Variants in HACD4 observed in about 807,000 individuals in gnomAD.
The protein encoded by HACD4 is very-long-chain (3R)-3-hydroxyacyl-CoA dehydratase 4.
Under a neutral mutation model 33.3 loss-of-function variants are expected in HACD4, and 35 were observed. The observed-to-expected ratio is 1.05, with a 90% CI of 0.80 to 1.39. The LOEUF (loss-of-function observed/expected upper bound fraction) is 1.39. Ranked by LOEUF, HACD4 falls within the 40% of genes most tolerant of loss-of-function variation. The pLI is 0.00. For missense variants in HACD4, 323 were observed against 276.5 expected (o/e 1.17, Z -1.19); for synonymous variants, 118 against 98.0 (o/e 1.20, Z -1.21).
intron 5 of HACD4, among the ~76,000 whole-genome samples, chr9:21,008,885 G>C (rs1312563894): frequency 6.6e-6 from 1 of 152,032 alleles, no homozygotes; most frequent in Non-Finnish European, 1.5e-5. Flanking sequence ...TTTCTTATGG[G>C]TCAAAATTAT....
chr9:21,026,569 C>T, intron 3 of HACD4, 27 bp downstream of exon 3: 1 of 1,574,286 alleles, frequency 6.4e-7, no homozygotes, highest in Non-Finnish European at 8.6e-7. Flanking sequence ...GAAACAGATT[C>T]TATAATAATA....
rs1842157675 is a variant in HACD4, at chr9:21,000,878, C to T, written c.*6159G>A. On this transcript the variant is annotated 3_prime_UTR_variant, in exon 7 of 7. Coordinates refer to ENST00000495827, the MANE Select transcript of HACD4 (RefSeq NM_001010915.5). ...AATATTTTGGACATTGAGATTGTAT[C>T]TATTTGTACTTCTGAAATAAATACA... The T allele has an allele frequency of 2.0e-5, 3 of 151,930 alleles. No individual in the cohort carries two copies. The allele number at this position is 151,930 out of a possible 1,614,324, so 9.4% of individuals were successfully genotyped here. A position where few individuals can be genotyped will look rare whatever the true frequency, so the allele number is the denominator to read the frequency against.
At chr9:21,020,844 T>A (rs1817890619) in intron 3 of HACD4, among the ~76,000 whole-genome samples, 1 of 152,318 alleles carries the variant, frequency 6.6e-6, no homozygotes, top group East Asian at 1.9e-4. Flanking sequence ...TATAAAAAAA[T>A]AAAATATATG....
chr9:21,014,768 C>G (rs1040304395), intron 4 of HACD4, among the ~76,000 whole-genome samples: 1 of 152,176 alleles, frequency 6.6e-6, no homozygotes, highest in African/African-American at 2.4e-5. Flanking sequence ...TGCCCAACAT[C>G]ACTTAGCAAG....
intron 5 of HACD4, among the ~76,000 whole-genome samples, chr9:21,008,909 G>A (rs1842341099): frequency 6.6e-6 from 1 of 151,962 alleles, no homozygotes; most frequent in Non-Finnish European, 1.5e-5. Flanking sequence ...TACATAAAAA[G>A]TTTTTAAAAA....
intron 5 of HACD4, among the ~76,000 whole-genome samples, chr9:21,010,470 C>CCA (rs1564270580): frequency 8.1e-6 from 1 of 123,644 alleles, no homozygotes; most frequent in African/African-American, 3.1e-5. Flanking sequence ...CCCCCCCCCC[C>CCA]AGAGCTTACA....
chr9:21,030,358 C>G (rs1194126151), intron 1 of HACD4, among the ~76,000 whole-genome samples: 1 of 151,598 alleles, frequency 6.6e-6, no homozygotes, highest in Non-Finnish European at 1.5e-5. Context: ...AGGACAATCA[C>G]TTGAACCTGG....
At chr9:21,016,756 G>C (rs1351255949) in intron 3 of HACD4, among the ~76,000 whole-genome samples, 1 of 151,074 alleles carries the variant, frequency 6.6e-6, no homozygotes, top group Non-Finnish European at 1.5e-5. Flanking sequence ...AGAAATTTCA[G>C]TTCCATCCAA....
In HACD4 at chr9:21,008,068, A is replaced by G. The variant is rs1251569161; in HGVS notation, c.569T>C (p.Ile190Thr). ...YSTKLPFDLS[I>T]YFPYVLKIYL... ...TATTTTCAGCACATATGGGAAATAG[A>G]TGGATAAGTCAAAGGGCAGCTTGGT... Residue 190 changes from isoleucine to threonine, a missense_variant, in exon 6 of 7, where the codon ATC (isoleucine) becomes ACC (threonine). By Grantham distance (89) the Ile-to-Thr change is moderately conservative (BLOSUM62 -1). Transcript: ENST00000495827. 6.2e-7 allele frequency: 1 copy of G among 1,611,960 alleles called. No homozygotes were observed. The highest frequency in any genetic ancestry group is 8.5e-7 in the Non-Finnish European group (1 of 1,178,884).
chr9:21,014,483 C>G (rs1857648), intron 4 of HACD4, among the ~76,000 whole-genome samples: 66,605 of 151,946 alleles, frequency 0.44, 14,889 homozygotes, highest in South Asian at 0.51. Flanking sequence ...TATTGGATGA[C>G]TCCATTTATA....
chr9:21,026,802 T>G, intron 2 of HACD4, 79 bp from the exon 3 acceptor site: 2 of 1,105,482 alleles, frequency 1.8e-6, no homozygotes, highest in Non-Finnish European at 2.7e-6. Flanking sequence ...CACTTTGAAG[T>G]CAAATGGAGA....
intron 3 of HACD4, among the ~76,000 whole-genome samples, chr9:21,019,817 T>C (rs1362271618): frequency 6.6e-6 from 1 of 152,084 alleles, no homozygotes; most frequent in Non-Finnish European, 1.5e-5. Flanking sequence ...ATAAGCCTAT[T>C]CCAAGCTCAA....
At chr9:21,020,524 T>A (rs1032703425) in intron 3 of HACD4, among the ~76,000 whole-genome samples, 5 of 152,210 alleles carry the variant, frequency 3.3e-5, no homozygotes, top group African/African-American at 1.2e-4. Flanking sequence ...TTCTGTACTA[T>A]AAAAGTCAAG....
chr9:21,029,695 A>G (rs887055765), intron 1 of HACD4, among the ~76,000 whole-genome samples: 3 of 152,230 alleles, frequency 2.0e-5, no homozygotes, highest in African/African-American at 4.8e-5. Flanking sequence ...TGCATGTAAT[A>G]CAACTGATCT....
rs566659371 is a variant in HACD4, at chr9:21,008,884, G to A, written c.491-738C>T. Among the ~76,000 whole-genome samples the A allele has an allele frequency of 3.3e-5, 5 of 152,040 alleles. No homozygotes were observed. In the South Asian group the frequency reaches 1.0e-3, roughly 32 times the overall value. Reference sequence around the variant, plus strand: ...TGCACTATTTTTGCAATTTCTTATGGGTCAAAATTATCCCTACATAAAAAG... The same window carrying A: ...TGCACTATTTTTGCAATTTCTTATGAGTCAAAATTATCCCTACATAAAAAG... On this transcript the variant is annotated intron_variant, in intron 5 of 6. Coordinates refer to ENST00000495827, the MANE Select transcript of HACD4 (RefSeq NM_001010915.5).
chr9:21,006,378 T>A lies in HACD4; in HGVS notation c.*659A>T, dbSNP rs1842269047. 6.5e-6 allele frequency: 1 copy of A among 152,892 alleles called. No individual in the cohort carries two copies. Among genetic ancestry groups the A allele is most frequent in the African/African-American group, 2.4e-5 (1 of 41,450 alleles). The allele number at this position is 152,892 out of a possible 1,614,324, so 9.5% of individuals were successfully genotyped here. On this transcript the variant is annotated 3_prime_UTR_variant, in exon 7 of 7. Coordinates refer to ENST00000495827, the MANE Select transcript of HACD4 (RefSeq NM_001010915.5). The surrounding 1 kb of genome is among the most constrained non-coding windows in gnomAD (Gnocchi z 4.6). ...AGAGGGCCCTCACCAGAAACTGCAT[T>A]AGCTGATGCCTTGATCCTGAGCGGA...
At position 21,013,066 on chromosome 9, in the gene HACD4, C is replaced by CAAA. The variant is rs570206944; in HGVS notation, c.384-1374_384-1372dup. ...TGGGTGAGAGAGCAAGACTCCATCTCAAAAAAAAAAAAAAAAAGAAAAGCC... is the reference window on the plus strand; with the variant it reads ...TGGGTGAGAGAGCAAGACTCCATCTCAAAAAAAAAAAAAAAAAAAAGAAAAGCC... On this transcript the variant is annotated intron_variant, in intron 4 of 6. Coordinates refer to ENST00000495827, the MANE Select transcript of HACD4 (RefSeq NM_001010915.5). Among the ~76,000 whole-genome samples, 246 of 69,030 alleles carry CAAA rather than the reference C, an allele frequency of 3.6e-3. 1 individual carries two copies. Among genetic ancestry groups the CAAA allele is most frequent in the African/African-American group, 0.013 (234 of 18,488 alleles). The allele number at this position is 69,030 out of a possible 152,430, so 45.3% of individuals were successfully genotyped here.
At chr9:21,020,502 G>GCTC (rs1817880634) in intron 3 of HACD4, among the ~76,000 whole-genome samples, 1 of 152,000 alleles carries the variant, frequency 6.6e-6, no homozygotes, top group Admixed American at 6.6e-5. Flanking sequence ...AACATTTCAG[G>GCTC]CTTGATAGTG....
At chr9:21,022,813 T>A (rs1564278421) in intron 3 of HACD4, among the ~76,000 whole-genome samples, 1 of 152,034 alleles carries the variant, frequency 6.6e-6, no homozygotes, top group Non-Finnish European at 1.5e-5. Context: ...AGTGTGGCGA[T>A]TCCTCAAGGA....
Sources: gnomAD v4.1 joint callset for allele counts (sites outside exome capture counted in the v4.1 genomes callset) on GRCh38, gnomAD v4.1.1 for gene constraint, Gnocchi (gnomAD v3.1) non-coding constraint, MANE v1.5 for transcripts, NCBI Gene and HGNC (gene_info 2026-07-23, HGNC 2026-07-21) for gene names.